Variants in PHACTR2 observed in about 807,000 individuals in gnomAD.
PHACTR2 encodes the protein chromosome 6 open reading frame 56.
PHACTR2 carries 30 observed loss-of-function variants against 76.0 expected under a neutral mutation model. That is an observed-to-expected ratio of 0.39 (90% confidence interval 0.30 to 0.54). The LOEUF is 0.54. Among genes scored for constraint, PHACTR2 ranks in the 20% least tolerant of loss-of-function variants. The pLI, the probability that PHACTR2 is intolerant of heterozygous loss-of-function variation, is 0.61. For synonymous variants in PHACTR2, 292 were observed against 292.5 expected (o/e 1.00, Z 0.02); for missense variants, 696 against 781.1 (o/e 0.89, Z 1.30).
At position 143,827,190 on chromosome 6, in the gene PHACTR2, A is replaced by ATG. The variant is rs1776562024; in HGVS notation, c.*3502_*3503insGT. On this transcript the variant is annotated 3_prime_UTR_variant, in exon 13 of 13. Coordinates refer to ENST00000440869, the MANE Select transcript of PHACTR2 (RefSeq NM_001100164.2). Reference sequence around the variant, plus strand: ...TATATATATATATATATATATATATATATATATATGTATATTATATATACA... The same window carrying ATG: ...TATATATATATATATATATATATATATGTATATATATGTATATTATATATACA... The ATG allele has an allele frequency of 1.6e-5, 2 of 121,464 alleles. No homozygotes were observed. Among genetic ancestry groups the ATG allele is most frequent in the African/African-American group, 6.0e-5 (2 of 33,364 alleles). 7.5% of individuals were successfully genotyped at this position (121,464 alleles called of 1,614,324 possible).
rs13198159 is a variant in PHACTR2, at chr6:143,570,816, C to T, written c.217+33609C>T. Among the ~76,000 whole-genome samples the T allele has an allele frequency of 0.61, 92,591 of 151,226 alleles. 28,630 individuals are homozygous for T. The highest frequency in any genetic ancestry group is 0.73 in the Middle Eastern group (212 of 292). On this transcript the variant is annotated intron_variant, in intron 1 of 11. Transcript: ENST00000367584. This position sits in a 1 kb window ranked among gnomAD's most constrained non-coding sequence, Gnocchi z 4.6. ...AGCACACTTTTGACGGTGGAGATGC[C>T]GCTTTATTGCAAATCCCTCCCCGGA...
chr6:143,704,509 A>G (rs1462415209), intron 1 of PHACTR2, among the ~76,000 whole-genome samples: 1 of 152,220 alleles, frequency 6.6e-6, no homozygotes, highest in East Asian at 1.9e-4. Flanking sequence ...TACCTCCATG[A>G]TAGCGAATGC....
At chr6:143,572,779 C>T (rs1582679197) in intron 1 of PHACTR2, among the ~76,000 whole-genome samples, 1 of 152,296 alleles carries the variant, frequency 6.6e-6, no homozygotes, top group Middle Eastern at 3.4e-3. Flanking sequence ...TCTCAAACTC[C>T]TGACCTCAAG....
intron 9 of PHACTR2, among the ~76,000 whole-genome samples, chr6:143,778,164 T>C (rs1243754720): frequency 6.6e-6 from 1 of 152,210 alleles, no homozygotes; most frequent in Non-Finnish European, 1.5e-5. Flanking sequence ...AAAAGATCTT[T>C]TTATTGTATG....
At position 143,709,824 on chromosome 6, in the gene PHACTR2, TGGG is replaced by T. The variant is rs1422575085; in HGVS notation, c.47-2191_47-2189del. ...AAGGGGAGAGATACCCAGTTATTGCTGGGTAGGGCTGGATGTCACGGCTTCCTA... is the reference window on the plus strand; with the variant it reads ...AAGGGGAGAGATACCCAGTTATTGCTTAGGGCTGGATGTCACGGCTTCCTA... On this transcript the variant is annotated intron_variant, in intron 1 of 12. Coordinates refer to ENST00000440869, the MANE Select transcript of PHACTR2 (RefSeq NM_001100164.2). This position sits in a 1 kb window ranked among gnomAD's most constrained non-coding sequence, Gnocchi z 4.4. Among the ~76,000 whole-genome samples the T allele has an allele frequency of 6.6e-6, 1 of 152,098 alleles. No homozygotes were observed. The highest frequency in any genetic ancestry group is 1.5e-5 in the Non-Finnish European group (1 of 68,030).
In PHACTR2 at chr6:143,711,931, T is replaced by A. The variant is rs1439674379; in HGVS notation, c.47-85T>A. 6 of 1,202,270 alleles carry A rather than the reference T, an allele frequency of 5.0e-6. No homozygotes were observed. In the African/African-American group the frequency reaches 9.0e-5, roughly 18 times the overall value. The allele number at this position is 1,202,270 out of a possible 1,614,324, so 74.5% of individuals were successfully genotyped here. On this transcript the variant is annotated intron_variant, in intron 1 of 12. Transcript: ENST00000440869. ...CCAATTAGAGTGGACGTGCTTACCGTTAACAGCCCAGGGACCAATTGATGA... is the reference window on the plus strand; with the variant it reads ...CCAATTAGAGTGGACGTGCTTACCGATAACAGCCCAGGGACCAATTGATGA...
intron 1 of PHACTR2, among the ~76,000 whole-genome samples, chr6:143,545,149 T>C (rs1460247654): frequency 6.6e-6 from 1 of 152,152 alleles, no homozygotes; most frequent in Non-Finnish European, 1.5e-5. Flanking sequence ...TTCACTATGT[T>C]GGCCAGGATG....
At position 143,782,922 on chromosome 6, in the gene PHACTR2, G is replaced by A. The variant is rs147803659; in HGVS notation, c.1646-297G>A. ...CTTTCATTAGAATATGGGCACTCCT[G>A]TGGTTTTTTTAAGAATACAACAAGA... is the stretch of plus-strand genomic sequence containing the variant. On this transcript the variant is annotated intron_variant, in intron 9 of 12. Coordinates refer to ENST00000440869, the MANE Select transcript of PHACTR2 (RefSeq NM_001100164.2). This position sits in a 1 kb window ranked among gnomAD's most constrained non-coding sequence, Gnocchi z 4.6. Among the ~76,000 whole-genome samples, 558 of 151,976 alleles carry A rather than the reference G, an allele frequency of 3.7e-3. No individual in the cohort carries two copies. The highest frequency in any genetic ancestry group is 6.4e-3 in the Non-Finnish European group (435 of 67,974).
In PHACTR2 at chr6:143,678,175, C is replaced by A; in HGVS notation, c.12C>A (p.Thr4=). The change falls in exon 1 of 13, where the codon ACC becomes ACA. Residue 4 remains threonine (T), a synonymous_variant. Transcript: ENST00000440869. The surrounding 1 kb of genome is among the most constrained non-coding windows in gnomAD (Gnocchi z 6.2). MGQ[T]SVSTLSPQPG... Reference sequence around the variant, plus strand: ...CTGCGACCCCAGTCATGGGCCAGACCTCGGTGTCCACGCTGTCCCCGCAGC... The same window carrying A: ...CTGCGACCCCAGTCATGGGCCAGACATCGGTGTCCACGCTGTCCCCGCAGC... The A allele has an allele frequency of 6.5e-7, 1 of 1,541,800 alleles. No homozygotes were observed. The highest frequency in any genetic ancestry group is 1.2e-5 in the South Asian group (1 of 83,768).
intron 1 of PHACTR2, among the ~76,000 whole-genome samples, chr6:143,613,858 G>T (rs1004148306): frequency 1.3e-5 from 2 of 152,086 alleles, no homozygotes; most frequent in Admixed American, 6.5e-5. Flanking sequence ...CACACACAAA[G>T]AATTTAGCAT....
intron 12 of PHACTR2, among the ~76,000 whole-genome samples, chr6:143,814,837 C>T (rs567938006): frequency 1.3e-3 from 197 of 152,118 alleles, no homozygotes; most frequent in Non-Finnish European, 2.3e-3. Context: ...CTGCTGACCT[C>T]GTGATCCGCC....
rs932815568 is a variant in PHACTR2 at position 143,550,158 on chromosome 6, A to G, written c.217+12951A>G. The stretch of plus-strand genomic sequence containing the variant: ...CGTATTATCTAATGTAGCATTTCTC[A>G]TATCTAATGTAGACTTTCTCATACA... On this transcript the variant is annotated intron_variant, in intron 1 of 11. Coordinates refer to the PHACTR2 transcript ENST00000367584. The surrounding 1 kb of genome is among the most constrained non-coding windows in gnomAD (Gnocchi z 4.8). Among the ~76,000 whole-genome samples the G allele has an allele frequency of 3.3e-5, 5 of 152,110 alleles. No homozygotes were observed. The highest frequency in any genetic ancestry group is 1.2e-4 in the African/African-American group (5 of 41,538).
At chr6:143,756,640 A>G (rs967799981) in intron 4 of PHACTR2, among the ~76,000 whole-genome samples, 6 of 150,750 alleles carry the variant, frequency 4.0e-5, no homozygotes, top group African/African-American at 1.5e-4. Flanking sequence ...CGGAGCTTGC[A>G]GTGAGCCGAG....
intron 2 of PHACTR2, among the ~76,000 whole-genome samples, chr6:143,741,010 G>A (rs1007462422): frequency 1.8e-4 from 27 of 152,228 alleles, no homozygotes; most frequent in Non-Finnish European, 3.8e-4. Context: ...GCACTTTGGA[G>A]GCTGAGGCAG....
At chr6:143,703,728 C>A (rs983381710) in intron 1 of PHACTR2, among the ~76,000 whole-genome samples, 2 of 152,228 alleles carry the variant, frequency 1.3e-5, no homozygotes, top group East Asian at 1.9e-4. Flanking sequence ...TTTAAAGGAA[C>A]CATCAGCTGA....
In PHACTR2 at chr6:143,827,155, A is replaced by AAAAAATAT. The variant is rs1254251707; in HGVS notation, c.*3467_*3468insAAAATATA. 11 of 77,230 alleles carry AAAAAATAT rather than the reference A, an allele frequency of 1.4e-4. No individual in the cohort carries two copies. Among genetic ancestry groups the AAAAAATAT allele is most frequent in the African/African-American group, 5.0e-5 (1 of 20,062 alleles). The allele number at this position is 77,230 out of a possible 1,614,324, so 4.8% of individuals were successfully genotyped here. A position where few individuals can be genotyped will look rare whatever the true frequency, so the allele number is the denominator to read the frequency against. On this transcript the variant is annotated 3_prime_UTR_variant, in exon 13 of 13. Coordinates refer to ENST00000440869, the MANE Select transcript of PHACTR2 (RefSeq NM_001100164.2). ...GGGCTGCGTTGGCATTAAAAAAGAAAATATATATATATATATATATATATA... is the reference window on the plus strand; with the variant it reads ...GGGCTGCGTTGGCATTAAAAAAGAAAAAAAATATATATATATATATATATATATATATA...
chr6:143,552,815 A>C (rs1775110592), intron 1 of PHACTR2, among the ~76,000 whole-genome samples: 1 of 147,968 alleles, frequency 6.8e-6, no homozygotes, highest in African/African-American at 2.5e-5. Flanking sequence ...AGAGAATTGC[A>C]GAGGTTGCAG....
rs932686432 is a variant in PHACTR2, at chr6:143,710,044, A to C, written c.47-1972A>C. On this transcript the variant is annotated intron_variant, in intron 1 of 12. Coordinates refer to ENST00000440869, the MANE Select transcript of PHACTR2 (RefSeq NM_001100164.2). The surrounding 1 kb of genome is among the most constrained non-coding windows in gnomAD (Gnocchi z 4.9). ...GGCATGCATGGTCACAGGTTCTTCT[A>C]TGGTGCTCGGCTGTAGTAGAGCAGT... Among the ~76,000 whole-genome samples, 2 of 152,052 alleles carry C rather than the reference A, an allele frequency of 1.3e-5. No homozygotes were observed. The highest frequency in any genetic ancestry group is 4.8e-5 in the African/African-American group (2 of 41,402).
rs181402318 is a variant in PHACTR2, at chr6:143,598,211, A to C, written c.217+61004A>C. On this transcript the variant is annotated intron_variant, in intron 1 of 11. Coordinates refer to the PHACTR2 transcript ENST00000367584. This position sits in a 1 kb window ranked among gnomAD's most constrained non-coding sequence, Gnocchi z 4.1. Reference sequence around the variant, plus strand: ...ATGTTGACTTAATGATCCTGGGCGAAATGATCCTACATTATTTGGCTGGGC... The same window carrying C: ...ATGTTGACTTAATGATCCTGGGCGACATGATCCTACATTATTTGGCTGGGC... 6.6e-6 allele frequency among the ~76,000 whole-genome samples: 1 copy of C among 152,304 alleles called. No individual in the cohort carries two copies. The highest frequency in any genetic ancestry group is 1.9e-4 in the East Asian group (1 of 5,184).
Sources: allele counts gnomAD v4.1 joint callset (sites outside exome capture counted in the v4.1 genomes callset), GRCh38; gene constraint gnomAD v4.1.1; non-coding constraint Gnocchi (gnomAD v3.1); transcripts MANE v1.5; gene names NCBI Gene and HGNC (gene_info 2026-07-23, HGNC 2026-07-21).